FAM178B: variants seen among roughly 807,000 people sequenced by gnomAD.
The protein encoded by FAM178B is family with sequence similarity 178 member B.
A neutral mutation model predicts 91.7 loss-of-function variants in FAM178B; 82 were observed. The ratio of observed to expected loss-of-function variants is 0.89; its 90% confidence interval spans 0.75 to 1.07. FAM178B has a LOEUF of 1.07. FAM178B is among the 50% of genes least tolerant of loss of function. FAM178B has a pLI of 0.00. For synonymous variants in FAM178B, 368 were observed against 359.4 expected (o/e 1.02, Z -0.27); for missense variants, 769 against 846.7 (o/e 0.91, Z 1.14).
intron 12 of FAM178B, among the ~76,000 whole-genome samples, chr2:96,907,160 G>C (rs889576540): frequency 7.2e-5 from 11 of 152,082 alleles, no homozygotes; most frequent in African/African-American, 1.2e-4. Flanking sequence ...TGCTGTCCCC[G>C]CCTGCCCACT....
intron 5 of FAM178B, among the ~76,000 whole-genome samples, chr2:96,966,817 T>C (rs1311480421): frequency 6.6e-6 from 1 of 152,124 alleles, no homozygotes; most frequent in African/African-American, 2.4e-5. Flanking sequence ...CCTCTTTCTG[T>C]CACGTGAGGA....
chr2:96,962,894 C>T (rs1242075919), intron 5 of FAM178B, among the ~76,000 whole-genome samples: 1 of 152,144 alleles, frequency 6.6e-6, no homozygotes, highest in African/African-American at 2.4e-5. Context: ...TGACCTGCAC[C>T]CCCTTCCCTG....
chr2:96,984,418 C>T (rs1238027319), intron 1 of FAM178B, among the ~76,000 whole-genome samples: 3 of 152,198 alleles, frequency 2.0e-5, no homozygotes, highest in Non-Finnish European at 4.4e-5. Context: ...GCAGTCTCTG[C>T]CCTAGAGGAG....
At chr2:96,878,799 C>T (rs576540481) in intron 14 of FAM178B, among the ~76,000 whole-genome samples, 1 of 152,358 alleles carries the variant, frequency 6.6e-6, no homozygotes, top group Admixed American at 6.5e-5. Flanking sequence ...ACACTGTCCC[C>T]CAGCCTTGTG....
At chr2:96,948,463 G>C (rs913752582) in intron 7 of FAM178B, among the ~76,000 whole-genome samples, 1 of 152,226 alleles carries the variant, frequency 6.6e-6, no homozygotes, top group Non-Finnish European at 1.5e-5. Flanking sequence ...ATCCTTATCT[G>C]AATGCTCCTG....
intron 12 of FAM178B, among the ~76,000 whole-genome samples, chr2:96,907,983 T>A (rs569243515): frequency 4.4e-4 from 67 of 152,374 alleles, no homozygotes; most frequent in Non-Finnish European, 9.4e-4. Flanking sequence ...CTGCCTGACA[T>A]GCTGCCTCAG....
rs553760720 is a variant in FAM178B at position 96,892,014 on chromosome 2, C to T, written c.1776+1912G>A. On this transcript the variant is annotated intron_variant, in intron 14 of 16. Transcript: ENST00000490605. ...GCTCTGGGGATGAAAGGCTCAGCCACGGCTCAGACCACCACTCCTTATAAA... is the reference window on the plus strand; with the variant it reads ...GCTCTGGGGATGAAAGGCTCAGCCATGGCTCAGACCACCACTCCTTATAAA... Among the ~76,000 whole-genome samples the T allele has an allele frequency of 8.5e-5, 13 of 152,368 alleles. No homozygotes were observed. The South Asian group carries it at 2.1e-3, about 24-fold the overall frequency.
At chr2:96,914,197 G>A (rs765802439) in intron 12 of FAM178B, among the ~76,000 whole-genome samples, 5 of 152,324 alleles carry the variant, frequency 3.3e-5, no homozygotes, top group East Asian at 1.9e-4. Flanking sequence ...CTGGTAGTCC[G>A]TGGAGAAAAA....
intron 14 of FAM178B, among the ~76,000 whole-genome samples, chr2:96,880,410 C>A (rs1281162179): frequency 6.6e-6 from 1 of 151,888 alleles, no homozygotes; most frequent in Non-Finnish European, 1.5e-5. Context: ...GCTGGGGGTG[C>A]CTGGGGGAGG....
At chr2:96,879,670 C>T (rs976461855) in intron 14 of FAM178B, among the ~76,000 whole-genome samples, 1 of 152,266 alleles carries the variant, frequency 6.6e-6, no homozygotes. Flanking sequence ...GGCTAAGGCC[C>T]ACGGGTGGTC....
chr2:96,966,368 A>G (rs1247227393), intron 5 of FAM178B, among the ~76,000 whole-genome samples: 1 of 151,998 alleles, frequency 6.6e-6, no homozygotes, highest in African/African-American at 2.4e-5. Context: ...CCACATGATT[A>G]GAGCCCACAT....
At chr2:96,969,699 G>A (rs1361282339) in intron 4 of FAM178B, among the ~76,000 whole-genome samples, 1 of 152,180 alleles carries the variant, frequency 6.6e-6, no homozygotes, top group African/African-American at 2.4e-5. Flanking sequence ...CTTCCCTAAC[G>A]TACAATCTAA....
At chr2:96,899,884 G>T (rs1303483884) in intron 13 of FAM178B, among the ~76,000 whole-genome samples, 5 of 134,912 alleles carry the variant, frequency 3.7e-5, no homozygotes, top group African/African-American at 8.5e-5. Context: ...TTAAGAGAAG[G>T]TGTCTGGCTC....
chr2:96,940,340 TG>T (rs2081706383), intron 8 of FAM178B, among the ~76,000 whole-genome samples: 1 of 152,120 alleles, frequency 6.6e-6, no homozygotes, highest in Non-Finnish European at 1.5e-5. Context: ...GAGAAGGTCG[TG>T]GGGCCTCCAC....
intron 15 of FAM178B, 129 bp from the exon 16 acceptor site, chr2:96,878,171 G>A (rs1489249874): frequency 9.4e-7 from 1 of 1,066,476 alleles, no homozygotes; most frequent in Non-Finnish European, 1.4e-6. Flanking sequence ...AGTTGAGGAG[G>A]AAAAGGAGGA....
At position 96,986,282 on chromosome 2, in the gene FAM178B, G is replaced by A. The variant is rs1244942984; in HGVS notation, c.32C>T (p.Ala11Val). 6.5e-7 allele frequency: 1 copy of A among 1,534,440 alleles called. No individual in the cohort carries two copies. The highest frequency in any genetic ancestry group is 1.2e-5 in the South Asian group (1 of 83,992). MWPRLPGAGL[A>V]PQLRRQDQRL... Reference sequence around the variant, plus strand: ...CTGATCCTGCCTCCTGAGTTGTGGAGCGAGGCCCGCACCTGGAAGCCTTGG... The same window carrying A: ...CTGATCCTGCCTCCTGAGTTGTGGAACGAGGCCCGCACCTGGAAGCCTTGG... The change falls in exon 1 of 17, where the codon GCT becomes GTT. Residue 11 changes from alanine to valine, a missense_variant. Ala to Val is a moderately conservative substitution (Grantham distance 64). Transcript: ENST00000490605.
At chr2:96,922,923 C>T (rs1048077695) in intron 10 of FAM178B, among the ~76,000 whole-genome samples, 2 of 151,894 alleles carry the variant, frequency 1.3e-5, no homozygotes, top group Non-Finnish European at 2.9e-5. Flanking sequence ...ATCCACCCGC[C>T]TCAGCCTCCC....
In FAM178B at chr2:96,894,027, C is replaced by T. The variant is rs983176486; in HGVS notation, c.1675G>A (p.Gly559Ser). 1.2e-6 allele frequency: 2 copies of T among 1,611,720 alleles called. No homozygotes were observed. The highest frequency in any genetic ancestry group is 1.7e-6 in the Non-Finnish European group (2 of 1,179,398). The change falls in exon 14 of 17, where the codon GGC becomes AGC. Residue 559 changes from glycine (G) to serine (S), a missense_variant. Gly to Ser is a moderately conservative substitution (Grantham distance 56). Coordinates refer to ENST00000490605, the MANE Select transcript of FAM178B (RefSeq NM_001122646.3). ...TQLSSLSRLLGLMRPSSLRQY... is the reference protein window; with the variant it reads ...TQLSSLSRLLSLMRPSSLRQY... ...CTGAGAGATGATGGCCTCATGAGGCCCAGGAGCCGGCTGAGCGAGGACAGC... is the reference window on the plus strand; with the variant it reads ...CTGAGAGATGATGGCCTCATGAGGCTCAGGAGCCGGCTGAGCGAGGACAGC...
intron 14 of FAM178B, among the ~76,000 whole-genome samples, 181 bp downstream of exon 14, chr2:96,893,745 A>C (rs537064790): frequency 6.6e-6 from 1 of 152,290 alleles, no homozygotes; most frequent in Non-Finnish European, 1.5e-5. Context: ...CACTAATTAC[A>C]GGTGAGATGC....
Sources: allele counts gnomAD v4.1 joint callset (sites outside exome capture counted in the v4.1 genomes callset), GRCh38; gene constraint gnomAD v4.1.1; transcripts MANE v1.5; gene names NCBI Gene and HGNC (gene_info 2026-07-23, HGNC 2026-07-21).